The following CDC34 variants were observed in gnomAD, a reference collection of about 807,000 sequenced individuals.
CDC34 encodes ubiquitin-conjugating enzyme E2 R1.
In CDC34, 18 loss-of-function variants were observed where a neutral mutation model predicts 26.8. The observed-to-expected ratio is 0.67, with a 90% CI of 0.47 to 1.00. The LOEUF is 1.00. CDC34 is among the 50% of genes least tolerant of loss of function. The pLI is 0.00. For missense variants in CDC34, 280 were observed against 334.5 expected, an observed-to-expected ratio of 0.84 and a Z score of 1.27; for synonymous variants, 178 against 147.5, an observed-to-expected ratio of 1.21 and a Z score of -1.50.
At chr19:537,185 A>G (rs1331930237) in intron 4 of CDC34, 38 bp downstream of exon 4, 2 of 1,607,626 alleles carry the variant, frequency 1.2e-6, no homozygotes, top group Admixed American at 1.7e-5. Flanking sequence ...GGAGAGACTC[A>G]GATCCGGCCT....
At chr19:534,300 A>AC (rs113939486) in intron 1 of CDC34, among the ~76,000 whole-genome samples, 2 of 151,420 alleles carry the variant, frequency 1.3e-5, no homozygotes, top group African/African-American at 4.9e-5. Flanking sequence ...AACAGAGGAC[A>AC]CCCCCCAAGA....
At chr19:533,305 C>G (rs1402109750) in intron 1 of CDC34, among the ~76,000 whole-genome samples, 3 of 152,210 alleles carry the variant, frequency 2.0e-5, no homozygotes, top group Admixed American at 2.0e-4. Flanking sequence ...TCTGCCCCGG[C>G]CAGCTGCGGG....
intron 4 of CDC34, chr19:538,878 C>A (rs1446783151): frequency 3.9e-5 from 38 of 985,244 alleles, no homozygotes; most frequent in Non-Finnish European, 4.2e-5. Context: ...CCTGGCCGTC[C>A]CTCTGGTGCA....
In CDC34 at chr19:541,749, C is replaced by T. The variant is rs898400018; in HGVS notation, c.*197C>T. On this transcript the variant is annotated 3_prime_UTR_variant, in exon 5 of 5. Coordinates refer to ENST00000215574, the MANE Select transcript of CDC34 (RefSeq NM_004359.2). Reference sequence around the variant, plus strand: ...AGAGGGGCTGCCCCACCGCCACTCACGTCACTCGGGGCTCGGTGGACGGGC... The same window carrying T: ...AGAGGGGCTGCCCCACCGCCACTCATGTCACTCGGGGCTCGGTGGACGGGC... 5 of 516,886 alleles carry T rather than the reference C, an allele frequency of 9.7e-6. No individual in the cohort carries two copies. The South Asian group carries it at 1.2e-4, about 13-fold the overall frequency. The allele number at this position is 516,886 out of a possible 1,614,324, so 32.0% of individuals were successfully genotyped here.
intron 3 of CDC34, chr19:536,577 C>G (rs960939339): frequency 5.2e-6 from 3 of 580,890 alleles, no homozygotes; most frequent in Non-Finnish European, 9.2e-6. Flanking sequence ...CAGGCCGGCC[C>G]CACCGTCTGG....
In CDC34 at chr19:541,613, C is replaced by CA; in HGVS notation, c.*61_*62insA. ...AGGGCCGGACCCGTGGCTCCTTAGA[C>CA]GACAGACTACCTCACGGAGGTTTTG... On this transcript the variant is annotated 3_prime_UTR_variant, in exon 5 of 5. Coordinates refer to ENST00000215574, the MANE Select transcript of CDC34 (RefSeq NM_004359.2). The CA allele has an allele frequency of 6.7e-7, 1 of 1,487,746 alleles. No individual in the cohort carries two copies. Among genetic ancestry groups the CA allele is most frequent in the Non-Finnish European group, 9.0e-7 (1 of 1,115,410 alleles). 92.2% of individuals were successfully genotyped at this position (1,487,746 alleles called of 1,614,324 possible).
chr19:536,391 C>T (rs1254427446), intron 3 of CDC34, 51 bp downstream of exon 3: 3 of 1,389,410 alleles, frequency 2.2e-6, no homozygotes, highest in Non-Finnish European at 3.0e-6. Flanking sequence ...GTAGGCCGGG[C>T]TCCGTCCCGT....
rs931573355 is a variant in CDC34 at position 538,957 on chromosome 19, TC to T, written c.497+1813del. The T allele has an allele frequency of 2.2e-5, 22 of 985,008 alleles. No individual in the cohort carries two copies. In the African/African-American group the frequency reaches 3.3e-4, roughly 15 times the overall value. The allele number at this position is 985,008 out of a possible 1,614,324, so 61.0% of individuals were successfully genotyped here. A position where few individuals can be genotyped will look rare whatever the true frequency, so the allele number is the denominator to read the frequency against. ...GTGGCTGGCTCCTTGGCCCGGTTCT[TC>T]CCGGCCACCTCCCTGAGGCACCACC... On this transcript the variant is annotated intron_variant, in intron 4 of 4. Transcript: ENST00000215574.
intron 4 of CDC34, 61 bp downstream of exon 4, chr19:537,208 C>T: frequency 6.3e-7 from 1 of 1,584,758 alleles, no homozygotes; most frequent in Non-Finnish European, 8.6e-7. Context: ...ACCCCGGCCC[C>T]TGGTCCCACG....
chr19:538,112 G>T (rs563530119), intron 4 of CDC34, among the ~76,000 whole-genome samples: 1 of 151,976 alleles, frequency 6.6e-6, no homozygotes, highest in Non-Finnish European at 1.5e-5. Flanking sequence ...CGTGCTGTGT[G>T]TGCCCAGTGA....
chr19:541,773 GC>G lies in CDC34; in HGVS notation c.*224del. On this transcript the variant is annotated 3_prime_UTR_variant, in exon 5 of 5. Transcript: ENST00000215574. Reference sequence around the variant, plus strand: ...ACGTCACTCGGGGCTCGGTGGACGGGCCCAGGGTGGGAGCGGCCGGCCCACC... The same window carrying G: ...ACGTCACTCGGGGCTCGGTGGACGGGCCAGGGTGGGAGCGGCCGGCCCACC... 2.4e-6 allele frequency: 1 copy of G among 423,828 alleles called. No individual in the cohort carries two copies. The highest frequency in any genetic ancestry group is 4.1e-6 in the Non-Finnish European group (1 of 245,402). 26.3% of individuals were successfully genotyped at this position (423,828 alleles called of 1,614,324 possible).
chr19:538,851 G>T (rs966286687), intron 4 of CDC34: 2 of 985,138 alleles, frequency 2.0e-6, no homozygotes, highest in Admixed American at 1.2e-4. Context: ...GGCCTCTGGA[G>T]GTCACAGGGT....
Position 541,197 on chromosome 19 carries a change from G to C in CDC34, c.498-142G>C, listed in dbSNP as rs1330796020. 2.9e-5 allele frequency: 32 copies of C among 1,103,864 alleles called. No homozygotes were observed. The East Asian group carries it at 5.3e-4, about 18-fold the overall frequency. The allele number at this position is 1,103,864 out of a possible 1,614,324, so 68.4% of individuals were successfully genotyped here. A position where few individuals can be genotyped will look rare whatever the true frequency, so the allele number is the denominator to read the frequency against. On this transcript the variant is annotated intron_variant, in intron 4 of 4. Coordinates refer to ENST00000215574, the MANE Select transcript of CDC34 (RefSeq NM_004359.2). Reference sequence around the variant, plus strand: ...CTCCCCCTGGAGTTCCTCACGCACAGGGCTTTGTCCTAAGTGGTCGCCACA... The same window carrying C: ...CTCCCCCTGGAGTTCCTCACGCACACGGCTTTGTCCTAAGTGGTCGCCACA...
At chr19:539,677 C>T (rs1014824042) in intron 4 of CDC34, among the ~76,000 whole-genome samples, 10 of 152,150 alleles carry the variant, frequency 6.6e-5, no homozygotes, top group Admixed American at 2.0e-4. Context: ...CGTGCCTGGT[C>T]GGTGATAGGG....
intron 4 of CDC34, 35 bp downstream of exon 4, chr19:537,182 C>CT: frequency 6.2e-7 from 1 of 1,608,932 alleles, no homozygotes; most frequent in Non-Finnish European, 8.5e-7. Context: ...GGAGGAGAGA[C>CT]TCAGATCCGG....
In CDC34 at chr19:531,841, C is replaced by T. The variant is rs866254652; in HGVS notation, c.-91C>T. On this transcript the variant is annotated 5_prime_UTR_variant, in exon 1 of 5. Coordinates refer to ENST00000215574, the MANE Select transcript of CDC34 (RefSeq NM_004359.2). ...CAGGCGGCGGCCCCGGTGGCTCCCCCCCGGACGGTGCGCGGCCCGGCCCGT... is the reference window on the plus strand; with the variant it reads ...CAGGCGGCGGCCCCGGTGGCTCCCCTCCGGACGGTGCGCGGCCCGGCCCGT... 2.9e-4 allele frequency: 230 copies of T among 798,742 alleles called. No individual in the cohort carries two copies. The highest frequency in any genetic ancestry group is 2.5e-3 in the Middle Eastern group (5 of 1,996). The allele number at this position is 798,742 out of a possible 1,614,324, so 49.5% of individuals were successfully genotyped here.
intron 1 of CDC34, among the ~76,000 whole-genome samples, chr19:534,417 GTACCCTCCC>G (rs1163350990): frequency 3.5e-5 from 5 of 141,822 alleles, no homozygotes; most frequent in Non-Finnish European, 6.1e-5. Flanking sequence ...AGACCCCCGA[GTACCCTCCC>G]TGTCCAGACC....
chr19:541,024 C>T (rs1005767771), intron 4 of CDC34, among the ~76,000 whole-genome samples: 5 of 152,234 alleles, frequency 3.3e-5, no homozygotes. Flanking sequence ...TGGGCCCTCC[C>T]TGTTGCCGGC....
intron 4 of CDC34, chr19:538,549 TCA>T (rs1979868299): frequency 4.3e-6 from 1 of 234,894 alleles, no homozygotes; most frequent in South Asian, 1.6e-4. Flanking sequence ...TTTTTTTTTC[TCA>T]GAGTGATATT....
Sources: allele counts gnomAD v4.1 joint callset (sites outside exome capture counted in the v4.1 genomes callset), GRCh38; gene constraint gnomAD v4.1.1; transcripts MANE v1.5; gene names NCBI Gene and HGNC (gene_info 2026-07-23, HGNC 2026-07-21).